SLC7A14: variants seen among roughly 807,000 people sequenced by gnomAD.
SLC7A14 encodes solute carrier family 7 member 14.
Under a neutral mutation model 60.2 loss-of-function variants are expected in SLC7A14, and 37 were observed. That is an observed-to-expected ratio of 0.61 (90% CI 0.47 to 0.81). The LOEUF (loss-of-function observed/expected upper bound fraction) is 0.81, where lower values mean the gene tolerates loss of function less well. SLC7A14 is among the 30% of genes least tolerant of loss of function. The pLI is 0.00. For missense variants in SLC7A14, 886 were observed against 982.7 expected, an observed-to-expected ratio of 0.90 and a Z score of 1.32; for synonymous variants, 399 against 395.8, an observed-to-expected ratio of 1.01 and a Z score of -0.10.
At chr3:170,510,779 A>AT (rs1712956010) in intron 2 of SLC7A14, among the ~76,000 whole-genome samples, 1 of 152,078 alleles carries the variant, frequency 6.6e-6, no homozygotes, top group Non-Finnish European at 1.5e-5. Flanking sequence ...TGCTCCTAAC[A>AT]TTTTTATGTG....
chr3:170,470,308 A>ATGTG (rs60682275), intron 7 of SLC7A14, among the ~76,000 whole-genome samples: 7,648 of 143,664 alleles, frequency 0.053, 570 homozygotes, highest in African/African-American at 0.16. Context: ...TGGAAGGAAC[A>ATGTG]TGTGTGTGTG....
Position 170,467,321 on chromosome 3 carries a change from G to A in SLC7A14, c.2050C>T (p.Arg684Ter), listed in dbSNP as rs768093351. 8.1e-6 allele frequency: 13 copies of A among 1,613,322 alleles called. No individual in the cohort carries two copies. The highest frequency in any genetic ancestry group is 1.7e-4 in the Middle Eastern group (1 of 6,044). ...IWNSTLEISAREEALHQSTYQ... is the reference protein window; with the variant it reads ...IWNSTLEISA ...GTGCTTTGGTGCAGGGCCTCTTCTC[G>A]AGCGCTGATTTCCAGGGTGCTGTTC... Residue 684 changes from arginine to a stop codon, truncating the protein, a stop_gained, in exon 8 of 8, where the codon CGA (arginine) becomes TGA (stop). Coordinates refer to ENST00000231706, the MANE Select transcript of SLC7A14 (RefSeq NM_020949.3). LOFTEE classifies it high-confidence loss of function.
chr3:170,496,122 G>T, intron 4 of SLC7A14: 2 of 1,014,710 alleles, frequency 2.0e-6, no homozygotes, highest in Non-Finnish European at 3.1e-6. Flanking sequence ...GCATGAAGAG[G>T]AGATCCAGGA....
rs572254632 is a variant in SLC7A14 at position 170,570,450 on chromosome 3, AAAAATAAAATAAAAT to A, written c.-153+15446_-153+15460del. ...GGCAACAGAGTGAGACCCTGTCTCA[AAAAATAAAATAAAAT>A]AAAATAAAATAAAATAAAATAAAAA... On this transcript the variant is annotated intron_variant, in intron 1 of 7. Transcript: ENST00000231706. 2.8e-5 allele frequency: 4 copies of A among 145,024 alleles called. No homozygotes were observed. In the South Asian group the frequency reaches 6.7e-4, roughly 24 times the overall value. The allele number at this position is 145,024 out of a possible 1,614,324, so 9.0% of individuals were successfully genotyped here. A position where few individuals can be genotyped will look rare whatever the true frequency, so the allele number is the denominator to read the frequency against.
At chr3:170,507,452 G>T (rs1712818011) in intron 2 of SLC7A14, among the ~76,000 whole-genome samples, 1 of 152,154 alleles carries the variant, frequency 6.6e-6, no homozygotes, top group Admixed American at 6.5e-5. Flanking sequence ...CGGTTCTTTG[G>T]TTGCTGTGGA....
rs574572191 is a variant in SLC7A14 at position 170,566,231 on chromosome 3, G to GT, written c.-153+19679dup. On this transcript the variant is annotated intron_variant, in intron 1 of 7. Coordinates refer to ENST00000231706, the MANE Select transcript of SLC7A14 (RefSeq NM_020949.3). ...GTTCCAAGCATGCAAAGCTCATCTG[G>GT]TTTTTCTCCCTCTCTGTACCTCTGC... Among the ~76,000 whole-genome samples the GT allele has an allele frequency of 5.3e-5, 8 of 152,202 alleles. No individual in the cohort carries two copies. The South Asian group carries it at 1.7e-3, about 32-fold the overall frequency.
chr3:170,568,638 A>G (rs896403060), intron 1 of SLC7A14, among the ~76,000 whole-genome samples: 6 of 152,214 alleles, frequency 3.9e-5, no homozygotes, highest in East Asian at 1.9e-4. Context: ...CTTTCTACCC[A>G]TGAGCATGGA....
chr3:170,460,077 A>T lies in SLC7A14; in HGVS notation c.*6978T>A, dbSNP rs1227077134. The T allele has an allele frequency of 1.3e-5, 2 of 152,248 alleles. No homozygotes were observed. Among genetic ancestry groups the T allele is most frequent in the African/African-American group, 4.8e-5 (2 of 41,472 alleles). 9.4% of individuals were successfully genotyped at this position (152,248 alleles called of 1,614,324 possible). On this transcript the variant is annotated 3_prime_UTR_variant, in exon 8 of 8. Transcript: ENST00000231706. ...TTCTTCATGATACACTACATTGTAC[A>T]GCACACCAATGGGAATTAAAAACCA... is the stretch of plus-strand genomic sequence containing the variant.
intron 1 of SLC7A14, among the ~76,000 whole-genome samples, chr3:170,549,768 A>G (rs576299657): frequency 4.1e-4 from 63 of 152,348 alleles, no homozygotes; most frequent in South Asian, 1.9e-3. Flanking sequence ...CTTTTTTAAC[A>G]TAAGCAGGGG....
intron 7 of SLC7A14, among the ~76,000 whole-genome samples, chr3:170,479,389 A>T (rs750434120): frequency 8.5e-5 from 13 of 152,180 alleles, no homozygotes; most frequent in Non-Finnish European, 1.9e-4. Flanking sequence ...ACACTTCTCA[A>T]GTTCTTACTA....
rs755282972 is a variant in SLC7A14, at chr3:170,585,439, G to A, written c.-153+472C>T. Among the ~76,000 whole-genome samples, 1 of 152,206 alleles carries A rather than the reference G, an allele frequency of 6.6e-6. No individual in the cohort carries two copies. Among genetic ancestry groups the A allele is most frequent in the Non-Finnish European group, 1.5e-5 (1 of 68,028 alleles). ...CTCCCCGGAGTCTGCGGCCGGAAAAGCGTCTCCGTTTCATGGTCTCGGTCC... is the reference window on the plus strand; with the variant it reads ...CTCCCCGGAGTCTGCGGCCGGAAAAACGTCTCCGTTTCATGGTCTCGGTCC... On this transcript the variant is annotated intron_variant, in intron 1 of 7. Transcript: ENST00000231706. This position sits in a 1 kb window ranked among gnomAD's most constrained non-coding sequence, Gnocchi z 5.1.
rs937078096 is a variant in SLC7A14 at position 170,509,347 on chromosome 3, C to A, written c.305-8002G>T. ...GGGTGTATGACATCATGTTATTGAA[C>A]CTGACAGGGCTCCAATTAAAGTTGG... is the stretch of plus-strand genomic sequence containing the variant. On this transcript the variant is annotated intron_variant, in intron 2 of 7. Transcript: ENST00000231706. Among the ~76,000 whole-genome samples, 4 of 152,222 alleles carry A rather than the reference C, an allele frequency of 2.6e-5. 1 individual carries two copies. The highest frequency in any genetic ancestry group is 6.8e-3 in the Middle Eastern group (2 of 294).
chr3:170,516,578 C>CAATAA (rs1027755016), intron 2 of SLC7A14, among the ~76,000 whole-genome samples: 2 of 150,570 alleles, frequency 1.3e-5, no homozygotes, highest in South Asian at 2.1e-4. Flanking sequence ...ATAATAATAA[C>CAATAA]AATAAAATAA....
At position 170,480,671 on chromosome 3, in the gene SLC7A14, A is replaced by C. The variant is rs747164517; in HGVS notation, c.1611T>G (p.Ile537Met). ...NIYLIKLKKL[I>M]GPHYYTMRIR... ...TTCTCATGGTGTAATAATGAGGCCCAATCAGCTTCTTTAACTTGATGAGAT... is the reference window on the plus strand; with the variant it reads ...TTCTCATGGTGTAATAATGAGGCCCCATCAGCTTCTTTAACTTGATGAGAT... Residue 537 changes from isoleucine to methionine, a missense_variant, in exon 7 of 8, where the codon ATT (isoleucine) becomes ATG (methionine). Coordinates refer to ENST00000231706, the MANE Select transcript of SLC7A14 (RefSeq NM_020949.3). 1.2e-5 allele frequency: 19 copies of C among 1,614,242 alleles called. No individual in the cohort carries two copies. The South Asian group carries it at 2.1e-4, about 18-fold the overall frequency.
intron 4 of SLC7A14, among the ~76,000 whole-genome samples, chr3:170,491,366 T>C (rs1712213665): frequency 6.6e-6 from 1 of 152,176 alleles, no homozygotes; most frequent in South Asian, 2.1e-4. Flanking sequence ...CATTTGCATA[T>C]GTAGAACTAG....
chr3:170,466,275 A>T lies in SLC7A14; in HGVS notation c.*780T>A, dbSNP rs1739720266. The T allele has an allele frequency of 6.6e-6, 1 of 152,182 alleles. No individual in the cohort carries two copies. The highest frequency in any genetic ancestry group is 6.5e-5 in the Admixed American group (1 of 15,280). The allele number at this position is 152,182 out of a possible 1,614,324, so 9.4% of individuals were successfully genotyped here. On this transcript the variant is annotated 3_prime_UTR_variant, in exon 8 of 8. Transcript: ENST00000231706. ...TGCCCGCTTTCATCATATCACCAGGAGCTGCAGTCTGATATAAGAGAGGCC... is the reference window on the plus strand; with the variant it reads ...TGCCCGCTTTCATCATATCACCAGGTGCTGCAGTCTGATATAAGAGAGGCC...
At position 170,506,508 on chromosome 3, in the gene SLC7A14, A is replaced by G. The variant is rs562604662; in HGVS notation, c.305-5163T>C. On this transcript the variant is annotated intron_variant, in intron 2 of 7. Transcript: ENST00000231706. ...CTGTTAATCCTCTTATATGTATCCCAGATGATGTGTGATTTGGGTTTTCAG... is the reference window on the plus strand; with the variant it reads ...CTGTTAATCCTCTTATATGTATCCCGGATGATGTGTGATTTGGGTTTTCAG... Among the ~76,000 whole-genome samples the G allele has an allele frequency of 3.7e-3, 562 of 152,324 alleles. 6 individuals are homozygous for G. Among genetic ancestry groups the G allele is most frequent in the African/African-American group, 0.013 (530 of 41,552 alleles).
At chr3:170,475,298 G>A (rs1373783358) in intron 7 of SLC7A14, among the ~76,000 whole-genome samples, 1 of 152,180 alleles carries the variant, frequency 6.6e-6, no homozygotes, top group East Asian at 1.9e-4. Context: ...AAAAAAATGT[G>A]TCTTAAGAAG....
intron 7 of SLC7A14, among the ~76,000 whole-genome samples, chr3:170,468,655 A>C (rs1015971464): frequency 8.5e-5 from 13 of 152,138 alleles, no homozygotes; most frequent in African/African-American, 3.1e-4. Context: ...AAGTCTGGGA[A>C]CCATAACCTT....
Sources: gnomAD v4.1 joint callset for allele counts (sites outside exome capture counted in the v4.1 genomes callset) on GRCh38, gnomAD v4.1.1 for gene constraint, Gnocchi (gnomAD v3.1) non-coding constraint, MANE v1.5 for transcripts, NCBI Gene and HGNC (gene_info 2026-07-23, HGNC 2026-07-21) for gene names.